BRI3BP: variants seen among roughly 807,000 people sequenced by gnomAD.
BRI3BP encodes BRI3 binding protein.
Under a neutral mutation model 15.8 loss-of-function variants are expected in BRI3BP, and 7 were observed. The observed-to-expected ratio is 0.44, with a 90% confidence interval of 0.25 to 0.83. The LOEUF is 0.83. Ranked by LOEUF, BRI3BP falls within the 40% of genes least tolerant of loss-of-function variation. The probability of loss-of-function intolerance (pLI) is 0.20; values close to 1 mark genes in which losing one functional copy is unlikely to be tolerated. For missense variants in BRI3BP, 320 were observed against 339.3 expected (o/e 0.94, Z 0.45); for synonymous variants, 192 against 163.5 (o/e 1.17, Z -1.33).
At chr12:125,022,537 A>ATTTTTTTTTTTTTTTTTT (rs1391143992) in intron 2 of BRI3BP, among the ~76,000 whole-genome samples, 247 of 70,448 alleles carry the variant, frequency 3.5e-3, no homozygotes, top group African/African-American at 0.013. Context: ...TTATTTATTT[A>ATTTTTTTTTTTTTTTTTT]TTTATTTTTT....
At chr12:125,024,668 G>A (rs890553225) in intron 2 of BRI3BP, among the ~76,000 whole-genome samples, 3 of 151,962 alleles carry the variant, frequency 2.0e-5, no homozygotes, top group South Asian at 2.1e-4. Context: ...GTGTGGTGGC[G>A]CATGCCTGTA....
chr12:125,049,185 A>T, the BRI3BP span, among the ~76,000 whole-genome samples: 1 of 151,220 alleles, frequency 6.6e-6, no homozygotes, highest in South Asian at 2.1e-4. Flanking sequence ...CTGGTCTCGA[A>T]CTCCTGACCT....
chr12:125,009,828 A>G (rs943138940), intron 1 of BRI3BP, among the ~76,000 whole-genome samples: 1 of 149,220 alleles, frequency 6.7e-6, no homozygotes, highest in Admixed American at 6.7e-5. Context: ...TCGGCCGGGC[A>G]TGGTGGCTCA....
Position 124,993,982 on chromosome 12 carries a change from C to A in BRI3BP, c.192C>A (p.Asp64Glu). The A allele has an allele frequency of 7.4e-7, 1 of 1,355,152 alleles. No individual in the cohort carries two copies. Among genetic ancestry groups the A allele is most frequent in the Admixed American group, 2.6e-5 (1 of 39,148 alleles). 83.9% of individuals were successfully genotyped at this position (1,355,152 alleles called of 1,614,324 possible). ...SQSVSSLFGEDNVRAAQKFLA... is the reference protein window; with the variant it reads ...SQSVSSLFGEENVRAAQKFLA... Reference sequence around the variant, plus strand: ...GCGTCAGCAGCCTGTTCGGCGAGGACAACGTGCGCGCCGCTCAGAAGGTGG... The same window carrying A: ...GCGTCAGCAGCCTGTTCGGCGAGGAAAACGTGCGCGCCGCTCAGAAGGTGG... The change falls in exon 1 of 3, where the codon GAC becomes GAA. Residue 64 changes from aspartate to glutamate, a missense_variant. Transcript: ENST00000341446.
intron 2 of BRI3BP, among the ~76,000 whole-genome samples, chr12:125,024,258 AC>A (rs67780786): frequency 8.6e-4 from 116 of 134,964 alleles, no homozygotes; most frequent in South Asian, 1.6e-3. Context: ...ATCTCATGAA[AC>A]CCCCCCCCCT....
chr12:125,039,972 G>A, the BRI3BP span, among the ~76,000 whole-genome samples: 141 of 152,270 alleles, frequency 9.3e-4, no homozygotes, highest in African/African-American at 2.5e-3. Context: ...TTGCAAAAAT[G>A]TAGGACAATG....
chr12:125,021,692 A>T (rs1955300251), intron 2 of BRI3BP, among the ~76,000 whole-genome samples: 1 of 152,218 alleles, frequency 6.6e-6, no homozygotes, highest in Non-Finnish European at 1.5e-5. Context: ...GGCACGTCTT[A>T]CGTGGTGGCA....
intron 1 of BRI3BP, among the ~76,000 whole-genome samples, chr12:125,008,427 T>C (rs1396780584): frequency 2.0e-5 from 3 of 151,278 alleles, no homozygotes; most frequent in Admixed American, 6.6e-5. Flanking sequence ...ATTCTCCTTC[T>C]TCAGCCTCCT....
At chr12:125,004,921 C>T (rs1955129300) in intron 1 of BRI3BP, among the ~76,000 whole-genome samples, 1 of 152,196 alleles carries the variant, frequency 6.6e-6, no homozygotes, top group Admixed American at 6.5e-5. Context: ...TCTCTGCTCA[C>T]TGCAACCTCT....
At chr12:124,996,742 A>AAAACACCCCAT (rs1279644286) in intron 1 of BRI3BP, among the ~76,000 whole-genome samples, 1 of 150,582 alleles carries the variant, frequency 6.6e-6, no homozygotes, top group African/African-American at 2.5e-5. Flanking sequence ...GGTATTTAAA[A>AAAACACCCCAT]AAACACCCCA....
At chr12:125,021,432 G>A (rs1955298059) in intron 2 of BRI3BP, among the ~76,000 whole-genome samples, 1 of 152,124 alleles carries the variant, frequency 6.6e-6, no homozygotes, top group African/African-American at 2.4e-5. Flanking sequence ...GCTGGGCGTG[G>A]TGCCTCACAC....
chr12:124,998,022 C>T (rs1026122479), intron 1 of BRI3BP, among the ~76,000 whole-genome samples: 1 of 151,630 alleles, frequency 6.6e-6, no homozygotes, highest in Non-Finnish European at 1.5e-5. Flanking sequence ...TACTTGGGAG[C>T]CTGAGGCAGG....
chr12:125,009,769 G>A (rs1376018923), intron 1 of BRI3BP, among the ~76,000 whole-genome samples: 9 of 152,136 alleles, frequency 5.9e-5, no homozygotes, highest in Non-Finnish European at 5.9e-5. Flanking sequence ...AAATGTTGGT[G>A]TCCTCACAGG....
At chr12:125,031,771 G>A (rs571583442), downstream of BRI3BP, among the ~76,000 whole-genome samples, 19 of 151,678 alleles carry the variant, frequency 1.3e-4, no homozygotes, top group Admixed American at 3.9e-4. Flanking sequence ...TCAGTGATCC[G>A]CCCGTTTCGG....
chr12:125,044,388 A>G, the BRI3BP span, among the ~76,000 whole-genome samples: 4 of 149,736 alleles, frequency 2.7e-5, 1 homozygote, highest in Non-Finnish European at 5.9e-5. Context: ...TGACTTCATG[A>G]TCGGCCTGCC....
chr12:125,034,142 G>A (rs1264575139), downstream of BRI3BP, among the ~76,000 whole-genome samples: 1 of 151,858 alleles, frequency 6.6e-6, no homozygotes, highest in East Asian at 1.9e-4. Context: ...CGCTTCCTGG[G>A]TTCAAGCAAT....
intron 1 of BRI3BP, among the ~76,000 whole-genome samples, chr12:125,002,499 C>T (rs1392350210): frequency 6.6e-6 from 1 of 150,688 alleles, no homozygotes; most frequent in Non-Finnish European, 1.5e-5. Flanking sequence ...GCTCTGTTGC[C>T]AGGCTGGAGT....
the BRI3BP span, among the ~76,000 whole-genome samples, chr12:125,048,094 G>C: frequency 6.6e-6 from 1 of 152,016 alleles, no homozygotes; most frequent in Non-Finnish European, 1.5e-5. Flanking sequence ...TAGTTGAGTT[G>C]GGTTGGGTGG....
intron 1 of BRI3BP, among the ~76,000 whole-genome samples, chr12:125,004,784 C>T (rs972632625): frequency 3.0e-4 from 45 of 152,290 alleles, no homozygotes; most frequent in African/African-American, 1.1e-3. Flanking sequence ...GAGGTCCTCT[C>T]GGCTGGGAGT....
Sources: gnomAD v4.1 joint callset for allele counts (sites outside exome capture counted in the v4.1 genomes callset) on GRCh38, gnomAD v4.1.1 for gene constraint, MANE v1.5 for transcripts, NCBI Gene and HGNC (gene_info 2026-07-23, HGNC 2026-07-21) for gene names.